The following NRXN3 variants were observed in gnomAD, a reference collection of about 807,000 sequenced individuals.
The protein encoded by NRXN3 is neurexin III.
A neutral mutation model predicts 137.6 loss-of-function variants in NRXN3; 32 were observed. The observed-to-expected ratio is 0.23, with a 90% CI of 0.18 to 0.31. The LOEUF (loss-of-function observed/expected upper bound fraction) is 0.31, where lower values mean the gene tolerates loss of function less well. NRXN3 is among the 10% of genes least tolerant of loss of function. The pLI, the probability that NRXN3 is intolerant of heterozygous loss-of-function variation, is 1.00. For synonymous variants in NRXN3, 798 were observed against 784.5 expected (o/e 1.02, Z -0.29); for missense variants, 1,574 against 2,062.5 (o/e 0.76, Z 4.59).
chr14:79,524,118 G>C (rs776050456), intron 16 of NRXN3, among the ~76,000 whole-genome samples: 1 of 152,152 alleles, frequency 6.6e-6, no homozygotes, highest in Non-Finnish European at 1.5e-5. Flanking sequence ...GCATGCCTGC[G>C]ACCTTCAGCA....
intron 19 of NRXN3, among the ~76,000 whole-genome samples, chr14:79,738,172 A>C (rs374070346): frequency 1.1e-4 from 17 of 152,158 alleles, no homozygotes; most frequent in African/African-American, 4.1e-4. Context: ...TGTATATTTT[A>C]CCTTATTTAG....
At chr14:78,863,220 C>T (rs545132853) in intron 10 of NRXN3, among the ~76,000 whole-genome samples, 1 of 152,142 alleles carries the variant, frequency 6.6e-6, no homozygotes, top group African/African-American at 2.4e-5. Flanking sequence ...TTTATATGAA[C>T]CAATTCTTAT....
rs2082704962 is a variant in NRXN3, at chr14:78,346,140, A to G, written c.757+48280A>G. On this transcript the variant is annotated intron_variant, in intron 4 of 20. Coordinates refer to ENST00000335750, the MANE Select transcript of NRXN3 (RefSeq NM_001330195.2). ...TGAAGCACGGGTGATGGGGAAAAGCAGGCATCTTCTGATGCATGATTCTCC... is the reference window on the plus strand; with the variant it reads ...TGAAGCACGGGTGATGGGGAAAAGCGGGCATCTTCTGATGCATGATTCTCC... Among the ~76,000 whole-genome samples, 2 of 152,176 alleles carry G rather than the reference A, an allele frequency of 1.3e-5. 1 individual carries two copies. The highest frequency in any genetic ancestry group is 4.1e-4 in the South Asian group (2 of 4,832).
At chr14:78,943,923 A>G (rs531562941) in intron 10 of NRXN3, among the ~76,000 whole-genome samples, 82 of 151,992 alleles carry the variant, frequency 5.4e-4, no homozygotes, top group African/African-American at 2.0e-3. Context: ...ATTAGTTTGC[A>G]ACAGCATGAG....
At position 79,819,482 on chromosome 14, in the gene NRXN3, C is replaced by CTTTTTTTTTTTTTTT. The variant is rs58492725; in HGVS notation, c.4093+14298_4093+14312dup. Among the ~76,000 whole-genome samples the CTTTTTTTTTTTTTTT allele has an allele frequency of 6.5e-4, 47 of 71,922 alleles. 9 individuals carry two copies. The highest frequency in any genetic ancestry group is 1.7e-3 in the African/African-American group (26 of 15,638). The allele number at this position is 71,922 out of a possible 152,430, so 47.2% of individuals were successfully genotyped here. On this transcript the variant is annotated intron_variant, in intron 20 of 20. Transcript: ENST00000335750. ...ATAGGATACAACAGGACATTAAAAGCTTTTTTTTTTTTTTTTTTTTGAGAC... is the reference window on the plus strand; with the variant it reads ...ATAGGATACAACAGGACATTAAAAGCTTTTTTTTTTTTTTTTTTTTTTTTTTTTTTTTTTTGAGAC...
chr14:78,281,946 A>G (rs2074465197), intron 3 of NRXN3, among the ~76,000 whole-genome samples: 1 of 152,144 alleles, frequency 6.6e-6, no homozygotes, highest in African/African-American at 2.4e-5. Context: ...TGCACAGCAC[A>G]TGGCACAGAG....
At chr14:79,259,679 C>CTA (rs903121734) in intron 15 of NRXN3, among the ~76,000 whole-genome samples, 1 of 136,476 alleles carries the variant, frequency 7.3e-6, no homozygotes, top group Non-Finnish European at 1.6e-5. Context: ...CTATAGATAG[C>CTA]TATATATATA....
intron 8 of NRXN3, among the ~76,000 whole-genome samples, chr14:78,723,689 T>C (rs1249959207): frequency 6.6e-6 from 1 of 152,214 alleles, no homozygotes; most frequent in African/African-American, 2.4e-5. Flanking sequence ...AGAATCAAAG[T>C]GTATAATGTG....
intron 15 of NRXN3, among the ~76,000 whole-genome samples, chr14:79,298,405 A>G (rs1357380709): frequency 6.6e-6 from 1 of 152,094 alleles, no homozygotes; most frequent in Non-Finnish European, 1.5e-5. Flanking sequence ...GTGTGGCTCC[A>G]TGGCTTCTAG....
chr14:79,637,810 A>G (rs1465341775), intron 16 of NRXN3, among the ~76,000 whole-genome samples: 5 of 141,782 alleles, frequency 3.5e-5, no homozygotes, highest in Non-Finnish European at 6.0e-5. Context: ...GCTCACTGCA[A>G]CCTCCACCTC....
At chr14:78,269,695 T>C (rs2072398623) in intron 2 of NRXN3, among the ~76,000 whole-genome samples, 1 of 152,178 alleles carries the variant, frequency 6.6e-6, no homozygotes, top group African/African-American at 2.4e-5. Context: ...ACACCCCGTA[T>C]CACCATCCCC....
intron 16 of NRXN3, among the ~76,000 whole-genome samples, chr14:79,597,744 T>C (rs1417440713): frequency 2.0e-5 from 3 of 152,138 alleles, no homozygotes; most frequent in African/African-American, 7.2e-5. Context: ...TTAGAAGACA[T>C]AGCCCTTTCA....
At chr14:79,725,641 G>GA (rs1311176507) in intron 19 of NRXN3, among the ~76,000 whole-genome samples, 1 of 151,552 alleles carries the variant, frequency 6.6e-6, no homozygotes, top group African/African-American at 2.4e-5. Context: ...AGATTAGGAG[G>GA]AAAAAAAAGT....
intron 10 of NRXN3, among the ~76,000 whole-genome samples, chr14:78,812,326 C>A (rs543061735): frequency 1.2e-4 from 18 of 152,226 alleles, no homozygotes; most frequent in African/African-American, 2.6e-4. Flanking sequence ...ATTTTAATGG[C>A]ATTTCTATGG....
rs146752827 is a variant in NRXN3, at chr14:78,625,030, C to T, written c.758-20090C>T. Among the ~76,000 whole-genome samples the T allele has an allele frequency of 4.6e-3, 703 of 152,082 alleles. 6 individuals are homozygous for T. Among genetic ancestry groups the T allele is most frequent in the African/African-American group, 0.016 (668 of 41,482 alleles). ...CTAATTTTTGTATTTTTAGTAGAGA[C>T]GGGGTTTCACCTTATTGGTCAGGCT... On this transcript the variant is annotated intron_variant, in intron 4 of 20. Coordinates refer to ENST00000335750, the MANE Select transcript of NRXN3 (RefSeq NM_001330195.2).
chr14:78,773,754 T>A (rs978956530), intron 8 of NRXN3, among the ~76,000 whole-genome samples: 56 of 152,048 alleles, frequency 3.7e-4, no homozygotes, highest in African/African-American at 1.3e-3. Flanking sequence ...TTAGGTGAGT[T>A]TTCTTCAATT....
At chr14:79,542,431 C>T (rs577537814) in intron 16 of NRXN3, among the ~76,000 whole-genome samples, 1 of 152,290 alleles carries the variant, frequency 6.6e-6, no homozygotes, top group South Asian at 2.1e-4. Context: ...TCTTAGCCTA[C>T]GTGAACATCC....
intron 17 of NRXN3, among the ~76,000 whole-genome samples, chr14:79,671,746 T>G (rs2098608867): frequency 1.3e-5 from 2 of 152,092 alleles, no homozygotes; most frequent in South Asian, 4.1e-4. Context: ...TAAATACAAT[T>G]ACTGCTATCA....
At chr14:79,111,732 T>A (rs1476856743) in intron 15 of NRXN3, among the ~76,000 whole-genome samples, 4 of 137,708 alleles carry the variant, frequency 2.9e-5, no homozygotes, top group Non-Finnish European at 6.0e-5. Context: ...AGAGACTCCA[T>A]CTCAAAAAAA....
Sources: gnomAD v4.1 joint callset for allele counts (sites outside exome capture counted in the v4.1 genomes callset) on GRCh38, gnomAD v4.1.1 for gene constraint, MANE v1.5 for transcripts, NCBI Gene and HGNC (gene_info 2026-07-23, HGNC 2026-07-21) for gene names.